The following SPTBN5 variants were observed in gnomAD, a reference collection of about 807,000 sequenced individuals.
SPTBN5 encodes the protein spectrin beta, non-erythrocytic 5.
A neutral mutation model predicts 477.6 loss-of-function variants in SPTBN5; 513 were observed. The observed-to-expected ratio is 1.07, with a 90% CI of 1.00 to 1.16. The LOEUF is 1.16. Ranked by LOEUF, SPTBN5 falls within the 50% of genes most tolerant of loss-of-function variation. The pLI, the probability that SPTBN5 is intolerant of heterozygous loss-of-function variation, is 0.00. For missense variants in SPTBN5, 5,062 were observed against 4,731.8 expected (o/e 1.07, Z -2.05); for synonymous variants, 2,169 against 2,011.7 (o/e 1.08, Z -2.09).
chr15:41,855,370 T>C lies in SPTBN5; in HGVS notation c.9277A>G (p.Arg3093Gly), dbSNP rs776718570. 1.2e-6 allele frequency: 2 copies of C among 1,605,250 alleles called. No individual in the cohort carries two copies. Among genetic ancestry groups the C allele is most frequent in the Admixed American group, 3.3e-5 (2 of 59,996 alleles). ...AGGCCGTGCCCCCTGGCCTCCGCCC[T>C]CCGCAGCAGCTCTGCGTGGGCCTCC... Reference protein sequence around the residue: ...VREAHAELLRRAEARGHGLQE... With the variant: ...VREAHAELLRGAEARGHGLQE... The change falls in exon 55 of 68, where the codon AGG (arginine) becomes GGG (glycine). Residue 3093 changes from arginine (R) to glycine (G), a missense_variant. Physicochemically the swap from Arg to Gly is moderately radical, Grantham distance 125. Coordinates refer to ENST00000320955, the MANE Select transcript of SPTBN5 (RefSeq NM_016642.4).
At chr15:41,856,816 C>A in intron 52 of SPTBN5, 37 bp downstream of exon 52, 3 of 1,521,658 alleles carry the variant, frequency 2.0e-6, no homozygotes, top group South Asian at 1.2e-5. Context: ...AAGCCCTGCT[C>A]ATGTGCGAGG....
intron 67 of SPTBN5, among the ~76,000 whole-genome samples, chr15:41,849,063 A>G (rs1215881537): frequency 3.3e-5 from 5 of 152,240 alleles, no homozygotes; most frequent in African/African-American, 4.8e-5. Context: ...CCCTCCAGGC[A>G]CACGGCTGTA....
chr15:41,880,969 A>G, intron 13 of SPTBN5, 65 bp downstream of exon 13: 1 of 1,402,434 alleles, frequency 7.1e-7, no homozygotes, highest in Non-Finnish European at 9.8e-7. Flanking sequence ...GTCCCCTGGG[A>G]TCACTGCACA....
Position 41,854,915 on chromosome 15 carries a change from A to G in SPTBN5, c.9485T>C (p.Val3162Ala), listed in dbSNP as rs2065888897. ...GCCTGCCAACTTCCTCAGGGCATAC[A>G]CCTTGGCCTGGCCCAGGCTCTGCAC... is the stretch of plus-strand genomic sequence containing the variant. ...KEVQSLGQAK[V>A]YALRKLAGTL... The change falls in exon 56 of 68, where the codon GTG (valine) becomes GCG (alanine). Residue 3162 changes from valine (V) to alanine (A), a missense_variant. Physicochemically the swap from Val to Ala is moderately conservative, Grantham distance 64. Coordinates refer to ENST00000320955, the MANE Select transcript of SPTBN5 (RefSeq NM_016642.4). 1 of 1,596,658 alleles carries G rather than the reference A, an allele frequency of 6.3e-7. No homozygotes were observed. The highest frequency in any genetic ancestry group is 8.5e-7 in the Non-Finnish European group (1 of 1,173,012).
rs1313328677 is a variant in SPTBN5, at chr15:41,874,356, T to G, written c.4625A>C (p.His1542Pro). The G allele has an allele frequency of 2.5e-6, 4 of 1,613,876 alleles. No homozygotes were observed. In the Admixed American group the frequency reaches 6.7e-5, roughly 27 times the overall value. ...ELSWVAEHMPHGSPTSYTECL... is the reference protein window; with the variant it reads ...ELSWVAEHMPPGSPTSYTECL... ...CTCGGTATAGCTGGTGGGGCTGCCA[T>G]GGGGCATGTGCTCGGCTACCCAAGA... The change falls in exon 24 of 68, where the codon CAT (histidine) becomes CCT (proline). Residue 1542 changes from histidine to proline, a missense_variant. His to Pro is a moderately conservative substitution (Grantham distance 77, BLOSUM62 -2). Transcript: ENST00000320955.
In SPTBN5 at chr15:41,848,556, G is replaced by A; in HGVS notation, c.*60C>T. 1 of 1,604,766 alleles carries A rather than the reference G, an allele frequency of 6.2e-7. No homozygotes were observed. Among genetic ancestry groups the A allele is most frequent in the Non-Finnish European group, 8.5e-7 (1 of 1,171,616 alleles). ...TTTGCCTGTAGCTGAGTCTTATTCTGGTCCCTTAGATGTGTCCTCGCTTGT... is the reference window on the plus strand; with the variant it reads ...TTTGCCTGTAGCTGAGTCTTATTCTAGTCCCTTAGATGTGTCCTCGCTTGT... On this transcript the variant is annotated 3_prime_UTR_variant, in exon 68 of 68. Transcript: ENST00000320955.
In SPTBN5 at chr15:41,880,207, C is replaced by A. The variant is rs1379933554; in HGVS notation, c.2764G>T (p.Val922Leu). The A allele has an allele frequency of 5.0e-6, 8 of 1,605,334 alleles. No individual in the cohort carries two copies. The South Asian group carries it at 7.8e-5, about 16-fold the overall frequency. ...TCCAGGGTGTCAGCCTGGGGCTGCA[C>A]CCTTTGGAGCAGCACTGTCTGCTTC... The part of the protein sequence containing the change: ...LEKQTVLLQR[V>L]QPQADTLEVM... The change falls in exon 14 of 68, where the codon GTG becomes TTG. Residue 922 changes from valine to leucine, a missense_variant. Transcript: ENST00000320955.
intron 7 of SPTBN5, among the ~76,000 whole-genome samples, chr15:41,884,467 G>A (rs1324915833): frequency 6.6e-6 from 1 of 152,108 alleles, no homozygotes; most frequent in Non-Finnish European, 1.5e-5. Flanking sequence ...TGATCTGTCT[G>A]CAAATTCTAC....
In SPTBN5 at chr15:41,853,330, G is replaced by A. The variant is rs778305981; in HGVS notation, c.10098C>T (p.Cys3366=). ...HEELGQEIRE[C]RLQAQDLRQE... ...GCCGCAGGTCCTGGGCTTGAAGGCGGCACTCCCTGATTTCTTGCCCCAGCT... is the reference window on the plus strand; with the variant it reads ...GCCGCAGGTCCTGGGCTTGAAGGCGACACTCCCTGATTTCTTGCCCCAGCT... The change falls in exon 59 of 68, where the codon TGC becomes TGT. Residue 3366 remains cysteine (C), a synonymous_variant. Coordinates refer to ENST00000320955, the MANE Select transcript of SPTBN5 (RefSeq NM_016642.4). The A allele has an allele frequency of 1.2e-6, 2 of 1,612,740 alleles. No individual in the cohort carries two copies. Among genetic ancestry groups the A allele is most frequent in the Non-Finnish European group, 1.7e-6 (2 of 1,179,512 alleles).
Position 41,868,490 on chromosome 15 carries a change from G to A in SPTBN5, c.5965C>T (p.Arg1989Trp), listed in dbSNP as rs777946172. The A allele has an allele frequency of 3.0e-5, 48 of 1,611,376 alleles. No homozygotes were observed. The highest frequency in any genetic ancestry group is 1.6e-4 in the Middle Eastern group (1 of 6,084). ...PLKLSAHQWLRAELEAREKLW... is the reference protein window; with the variant it reads ...PLKLSAHQWLWAELEAREKLW... ...TTCTCCCGGGCCTCCAGCTCCGCCC[G>A]GAGCCACTGGTGGGCACTGAGCTTC... Residue 1989 changes from arginine to tryptophan, a missense_variant, in exon 33 of 68, where the codon CGG becomes TGG. Transcript: ENST00000320955.
Position 41,862,136 on chromosome 15 carries a change from C to T in SPTBN5, c.7542G>A (p.Glu2514=), listed in dbSNP as rs1268970517. The T allele has an allele frequency of 1.3e-6, 2 of 1,575,242 alleles. No homozygotes were observed. The highest frequency in any genetic ancestry group is 1.7e-6 in the Non-Finnish European group (2 of 1,157,242). Residue 2514 remains glutamate (E), a synonymous_variant, in exon 44 of 68, where the codon GAG becomes GAA. Transcript: ENST00000320955. ...GGGCCAGCTGCCCATTCACCTTGCACTCCTGATGCTCTTCTAACATACGCC... is the reference window on the plus strand; with the variant it reads ...GGGCCAGCTGCCCATTCACCTTGCATTCCTGATGCTCTTCTAACATACGCC... ...EARRMLEEHQ[E]CKAELDSWTD... is the part of the protein sequence containing the mutation.
intron 43 of SPTBN5, 116 bp downstream of exon 43, chr15:41,862,423 T>C: frequency 2.0e-6 from 3 of 1,519,110 alleles, no homozygotes; most frequent in Non-Finnish European, 2.7e-6. Flanking sequence ...GGGAGGACAG[T>C]ACAGTTATTT....
chr15:41,851,662 G>A, intron 63 of SPTBN5, 117 bp downstream of exon 63: 1 of 754,600 alleles, frequency 1.3e-6, no homozygotes. Context: ...GCATGGTGGG[G>A]GGTGGCATCT....
chr15:41,876,318 C>T (rs758879256), intron 20 of SPTBN5, 34 bp from the exon 21 acceptor site: 17 of 1,512,848 alleles, frequency 1.1e-5, no homozygotes, highest in Non-Finnish European at 1.5e-5. Context: ...GGTCTCAGAG[C>T]ACGGTGGGTG....
intron 39 of SPTBN5, among the ~76,000 whole-genome samples, chr15:41,864,994 T>C (rs1339541469): frequency 6.6e-6 from 1 of 152,238 alleles, no homozygotes; most frequent in Non-Finnish European, 1.5e-5. Context: ...GCCCAGCTCC[T>C]TTGGAGTCTA....
chr15:41,883,523 T>C (rs2067048583), intron 7 of SPTBN5, 37 bp from the exon 8 acceptor site: 1 of 1,601,316 alleles, frequency 6.2e-7, no homozygotes, highest in African/African-American at 1.3e-5. Context: ...CTCCTCTGGG[T>C]TGGGGCAGGG....
At chr15:41,854,691 G>C in intron 56 of SPTBN5, 91 bp downstream of exon 56, 2 of 1,176,484 alleles carry the variant, frequency 1.7e-6, no homozygotes, top group Non-Finnish European at 2.3e-6. Flanking sequence ...TGTGTGTCTT[G>C]TTGGAACCAA....
chr15:41,871,072 T>G (rs1247477028), intron 29 of SPTBN5, among the ~76,000 whole-genome samples: 1 of 152,210 alleles, frequency 6.6e-6, no homozygotes, highest in Admixed American at 6.5e-5. Flanking sequence ...CTGTCCCGAG[T>G]GAGCACAGGA....
intron 39 of SPTBN5, among the ~76,000 whole-genome samples, chr15:41,865,175 T>G (rs1415640614): frequency 6.6e-6 from 1 of 152,216 alleles, no homozygotes; most frequent in Non-Finnish European, 1.5e-5. Flanking sequence ...ATTTGCCATT[T>G]TTTTCCCCTG....
Sources: gnomAD v4.1 joint callset for allele counts (sites outside exome capture counted in the v4.1 genomes callset) on GRCh38, gnomAD v4.1.1 for gene constraint, MANE v1.5 for transcripts, NCBI Gene and HGNC (gene_info 2026-07-23, HGNC 2026-07-21) for gene names.